Variants in ATAD2 observed in about 807,000 individuals in gnomAD.
ATAD2 encodes ATPase family AAA domain containing 2.
In ATAD2, 62 loss-of-function variants were observed where a neutral mutation model predicts 168.9. The observed-to-expected ratio is 0.37, with a 90% CI of 0.30 to 0.45. The LOEUF (loss-of-function observed/expected upper bound fraction) is 0.45, where lower values mean the gene tolerates loss of function less well. Ranked by LOEUF, ATAD2 falls within the 20% of genes least tolerant of loss-of-function variation. The probability of loss-of-function intolerance (pLI) is 1.00; values close to 1 mark genes in which losing one functional copy is unlikely to be tolerated. For synonymous variants in ATAD2, 613 were observed against 571.6 expected (o/e 1.07, Z -1.03); for missense variants, 1,419 against 1,667.8 (o/e 0.85, Z 2.60).
Position 123,345,060 on chromosome 8 carries a change from C to T in ATAD2, c.2542G>A (p.Glu848Lys). The change falls in exon 19 of 28, where the codon GAA becomes AAA. Residue 848 changes from glutamate to lysine, a missense_variant. Physicochemically the swap from Glu to Lys is moderately conservative, Grantham distance 56 (BLOSUM62 1). Coordinates refer to ENST00000287394, the MANE Select transcript of ATAD2 (RefSeq NM_014109.4). ...PEETCAQVIR[E>K]AKRTAPSIVY... ...ATACTTGGTGCTGTTCTCTTAGCTT[C>T]ACGAATCACCTAGTAGAGAGAGAAC... 6.2e-7 allele frequency: 1 copy of T among 1,606,684 alleles called. No homozygotes were observed. Among genetic ancestry groups the T allele is most frequent in the Non-Finnish European group, 8.5e-7 (1 of 1,174,680 alleles).
Position 123,402,563 on chromosome 8 carries a change from C to A in ATAD2, c.-2281-1388G>T, listed in dbSNP as rs1813016005. 6.6e-6 allele frequency among the ~76,000 whole-genome samples: 1 copy of A among 152,170 alleles called. No individual in the cohort carries two copies. The highest frequency in any genetic ancestry group is 1.5e-5 in the Non-Finnish European group (1 of 68,016). On this transcript the variant is annotated intron_variant, in intron 1 of 28. Transcript: ENST00000521903. This position sits in a 1 kb window ranked among gnomAD's most constrained non-coding sequence, Gnocchi z 4.8. ...CCTGACCTAGGCTAAGGGGAGGTCT[C>A]TGCCCCCTTCCCCGGCCCTGGGCTA...
At chr8:123,393,379 C>T (rs540394640) in intron 1 of ATAD2, among the ~76,000 whole-genome samples, 2 of 151,686 alleles carry the variant, frequency 1.3e-5, no homozygotes, top group African/African-American at 2.4e-5. Flanking sequence ...GGTGTGGTGG[C>T]GAGCCCCTGT....
At chr8:123,371,974 C>T in intron 3 of ATAD2, 139 bp from the exon 4 acceptor site, 1 of 878,208 alleles carries the variant, frequency 1.1e-6, no homozygotes, top group South Asian at 2.4e-5. Context: ...TTCTTAAAAA[C>T]ATCAGAAAAC....
intron 1 of ATAD2, among the ~76,000 whole-genome samples, chr8:123,383,044 A>C (rs1829535755): frequency 6.6e-6 from 1 of 152,244 alleles, no homozygotes; most frequent in Non-Finnish European, 1.5e-5. Context: ...TGTCATTTGC[A>C]GGGACATGGA....
intron 13 of ATAD2, 145 bp downstream of exon 13, chr8:123,356,244 T>G (rs1256164393): frequency 1.6e-5 from 8 of 496,428 alleles, no homozygotes. Context: ...TTTTTATTTT[T>G]GTACTATATA....
intron 13 of ATAD2, chr8:123,352,132 G>C (rs1294884655): frequency 6.6e-6 from 1 of 152,270 alleles, no homozygotes; most frequent in Non-Finnish European, 1.5e-5. Flanking sequence ...GGCTCATTCT[G>C]CACTTTCTGG....
chr8:123,370,886 C>T lies in ATAD2; in HGVS notation c.727+17G>A, dbSNP rs543218713. 1.3e-6 allele frequency: 2 copies of T among 1,555,840 alleles called. No individual in the cohort carries two copies. The highest frequency in any genetic ancestry group is 1.4e-5 in the African/African-American group (1 of 72,122). ...TTAAATTCAATCCCAGAAGACAGAACAAGAGAAGAGACTAACCCACACTGC... is the reference window on the plus strand; with the variant it reads ...TTAAATTCAATCCCAGAAGACAGAATAAGAGAAGAGACTAACCCACACTGC... On this transcript the variant is annotated intron_variant, in intron 6 of 27. Coordinates refer to ENST00000287394, the MANE Select transcript of ATAD2 (RefSeq NM_014109.4).
Position 123,370,883 on chromosome 8 carries a change from G to A in ATAD2, c.727+20C>T. ...TTCTTAAATTCAATCCCAGAAGACA[G>A]AACAAGAGAAGAGACTAACCCACAC... On this transcript the variant is annotated intron_variant, in intron 6 of 27. Transcript: ENST00000287394. The A allele has an allele frequency of 6.5e-7, 1 of 1,547,978 alleles. No homozygotes were observed.
At chr8:123,328,956 C>A (rs1827693104) in intron 24 of ATAD2, among the ~76,000 whole-genome samples, 2 of 151,944 alleles carry the variant, frequency 1.3e-5, no homozygotes, top group East Asian at 1.9e-4. Flanking sequence ...CACCCGCCAC[C>A]ACGCCCAGCT....
At chr8:123,406,999 A>G (rs990656340) in intron 1 of ATAD2, among the ~76,000 whole-genome samples, 3 of 152,148 alleles carry the variant, frequency 2.0e-5, no homozygotes, top group African/African-American at 7.2e-5. Flanking sequence ...GGTGAACCCT[A>G]AATCCAATGA....
Position 123,321,077 on chromosome 8 carries a change from G to T in ATAD2, c.*57C>A. 3 of 1,499,524 alleles carry T rather than the reference G, an allele frequency of 2.0e-6. No homozygotes were observed. Among genetic ancestry groups the T allele is most frequent in the South Asian group, 2.4e-5 (2 of 84,816 alleles). The allele number at this position is 1,499,524 out of a possible 1,614,324, so 92.9% of individuals were successfully genotyped here. A position where few individuals can be genotyped will look rare whatever the true frequency, so the allele number is the denominator to read the frequency against. ...CATACTACATCAATTAGGCGGACATGACAAAAATGACTTAAATAGGAACTG... is the reference window on the plus strand; with the variant it reads ...CATACTACATCAATTAGGCGGACATTACAAAAATGACTTAAATAGGAACTG... On this transcript the variant is annotated 3_prime_UTR_variant, in exon 28 of 28. Coordinates refer to ENST00000287394, the MANE Select transcript of ATAD2 (RefSeq NM_014109.4).
intron 8 of ATAD2, among the ~76,000 whole-genome samples, chr8:123,368,109 T>G (rs1829034160): frequency 1.3e-5 from 2 of 152,186 alleles, no homozygotes; most frequent in South Asian, 4.1e-4. Flanking sequence ...AATGCATTGA[T>G]GAGGAAGTAT....
intron 13 of ATAD2, among the ~76,000 whole-genome samples, chr8:123,350,829 A>G (rs1396113912): frequency 6.6e-6 from 1 of 151,404 alleles, no homozygotes; most frequent in East Asian, 1.9e-4. Context: ...GGTTTACGCC[A>G]TTCTCCTGCC....
intron 13 of ATAD2, among the ~76,000 whole-genome samples, chr8:123,354,864 A>AAAAAATAT: frequency 1.5e-5 from 1 of 64,706 alleles, no homozygotes; most frequent in African/African-American, 8.7e-5. Flanking sequence ...AAAAAAAAAA[A>AAAAAATAT]ATATATATAT....
At position 123,396,288 on chromosome 8, in the gene ATAD2, G is replaced by C. The variant is rs779253659; in HGVS notation, c.70C>G (p.Leu24Val). 95 of 1,610,928 alleles carry C rather than the reference G, an allele frequency of 5.9e-5. No homozygotes were observed. In the Admixed American group the frequency reaches 6.8e-4, roughly 12 times the overall value. The change falls in exon 1 of 28, where the codon CTG (leucine) becomes GTG (valine). Residue 24 changes from leucine to valine, a missense_variant. Leu to Val is a conservative substitution (Grantham distance 32, BLOSUM62 1). Transcript: ENST00000287394. Reference protein sequence around the residue: ...SAASATGSLDLSSDFLSLEHI... With the variant: ...SAASATGSLDVSSDFLSLEHI... ...TCCAGACTGAGGAAGTCACTGGACA[G>C]GTCCAAGGAGCCCGTGGCCGAGGCC...
Position 123,396,398 on chromosome 8 carries a change from G to C in ATAD2, c.-41C>G, listed in dbSNP as rs530936139. ...GCCTCGGCGTGCGCGACCGGAGAGA[G>C]ATCCAGCTCCAGGCGCTCGCAGCTC... On this transcript the variant is annotated 5_prime_UTR_variant, in exon 1 of 28. It adds an upstream start codon to the 5' untranslated region. Transcript: ENST00000287394. 9.9e-6 allele frequency: 15 copies of C among 1,511,632 alleles called. No individual in the cohort carries two copies. Among genetic ancestry groups the C allele is most frequent in the East Asian group, 2.4e-5 (1 of 41,286 alleles). 93.6% of individuals were successfully genotyped at this position (1,511,632 alleles called of 1,614,324 possible). A position where few individuals can be genotyped will look rare whatever the true frequency, so the allele number is the denominator to read the frequency against.
chr8:123,328,363 G>T lies in ATAD2; in HGVS notation c.3695C>A (p.Ala1232Asp). Residue 1232 changes from alanine (A) to aspartate (D), a missense_variant, in exon 25 of 28, where the codon GCC becomes GAC. By Grantham distance (126) the Ala-to-Asp change is moderately radical. Coordinates refer to ENST00000287394, the MANE Select transcript of ATAD2 (RefSeq NM_014109.4). ...SVEENEKQQNASESKLELRNN... is the reference protein window; with the variant it reads ...SVEENEKQQNDSESKLELRNN... ...TCTCAATTCCAGTTTGCTTTCAGAG[G>T]CATTTTGCTGTTTTTCATTTTCTTC... 1 of 1,600,304 alleles carries T rather than the reference G, an allele frequency of 6.2e-7. No individual in the cohort carries two copies. The highest frequency in any genetic ancestry group is 1.2e-5 in the South Asian group (1 of 86,854).
chr8:123,405,700 A>C (rs550007672), intron 1 of ATAD2, among the ~76,000 whole-genome samples: 12 of 152,360 alleles, frequency 7.9e-5, no homozygotes, highest in East Asian at 7.7e-4. Context: ...TCTAGGTCTT[A>C]GTGATCTTTC....
chr8:123,337,785 G>A lies in ATAD2; in HGVS notation c.2891C>T (p.Pro964Leu), dbSNP rs755718154. The A allele has an allele frequency of 9.9e-6, 16 of 1,611,422 alleles. No homozygotes were observed. The East Asian group carries it at 3.1e-4, about 32-fold the overall frequency. Reference protein sequence around the residue: ...QALEVLPVAPPPEPRSLTAEE... With the variant: ...QALEVLPVAPLPEPRSLTAEE... ...TGCTGTCAGTGATCTTGGCTCAGGT[G>A]GTGGTGCTACTGGGAGTACCTCCAA... Residue 964 changes from proline to leucine, a missense_variant, in exon 21 of 28, where the codon CCA (proline) becomes CTA (leucine). By Grantham distance (98) the Pro-to-Leu change is moderately conservative. This residue lies in a region of ATAD2 where 545 missense variants were observed against 724.9 expected (regional missense o/e 0.75). Coordinates refer to ENST00000287394, the MANE Select transcript of ATAD2 (RefSeq NM_014109.4).
Sources: gnomAD v4.1 joint callset for allele counts (sites outside exome capture counted in the v4.1 genomes callset) on GRCh38, gnomAD v4.1.1 for gene constraint, gnomAD v4.1.1 regional missense constraint, Gnocchi (gnomAD v3.1) non-coding constraint, MANE v1.5 for transcripts, NCBI Gene and HGNC (gene_info 2026-07-23, HGNC 2026-07-21) for gene names.